The following LPP variants were observed in gnomAD, a reference collection of about 807,000 sequenced individuals.
The protein encoded by LPP is lipoma-preferred partner.
LPP carries 38 observed loss-of-function variants against 60.4 expected under a neutral mutation model. That is an observed-to-expected ratio of 0.63 (90% CI 0.49 to 0.83). The LOEUF (loss-of-function observed/expected upper bound fraction) is 0.83, where lower values mean the gene tolerates loss of function less well. LPP is among the 40% of genes least tolerant of loss of function. The pLI is 0.00. For synonymous variants in LPP, 328 were observed against 290.8 expected (o/e 1.13, Z -1.30); for missense variants, 902 against 783.6 (o/e 1.15, Z -1.80).
Position 188,770,168 on chromosome 3 carries a change from C to A in LPP, c.1410+9886C>A, listed in dbSNP as rs146147042. 9.3e-3 allele frequency among the ~76,000 whole-genome samples: 599 copies of A among 64,614 alleles called. 3 individuals are homozygous for A. Among genetic ancestry groups the A allele is most frequent in the Middle Eastern group, 0.028 (2 of 72 alleles). 42.4% of individuals were successfully genotyped at this position (64,614 alleles called of 152,430 possible). On this transcript the variant is annotated intron_variant, in intron 9 of 11. Transcript: ENST00000617246. ...CTCATTTTCTTTCATAGTTATAATTCTTTTTTTTTTTTTTTTTTTTTTTTT... is the reference window on the plus strand; with the variant it reads ...CTCATTTTCTTTCATAGTTATAATTATTTTTTTTTTTTTTTTTTTTTTTTT...
chr3:188,191,002 C>G (rs1190805201), intron 1 of LPP, among the ~76,000 whole-genome samples: 2 of 152,176 alleles, frequency 1.3e-5, no homozygotes, highest in African/African-American at 4.8e-5. Context: ...GGGGCCGAGG[C>G]AGGTGGATCA....
At chr3:188,713,151 G>C (rs942186840) in intron 8 of LPP, among the ~76,000 whole-genome samples, 1 of 152,150 alleles carries the variant, frequency 6.6e-6, no homozygotes, top group East Asian at 1.9e-4. Flanking sequence ...GGACAGACTG[G>C]CATGTGCCAA....
intron 2 of LPP, among the ~76,000 whole-genome samples, chr3:188,239,269 C>T (rs1368436114): frequency 1.3e-5 from 2 of 152,236 alleles, no homozygotes; most frequent in Non-Finnish European, 2.9e-5. Flanking sequence ...CAGGCACACA[C>T]TTACTTGTTT....
chr3:188,637,429 C>T (rs1849050071), intron 7 of LPP, among the ~76,000 whole-genome samples: 1 of 151,728 alleles, frequency 6.6e-6, no homozygotes, highest in Non-Finnish European at 1.5e-5. Context: ...CCAAAATTGA[C>T]ACCCTAACAT....
chr3:188,451,095 C>G (rs1488369121), intron 4 of LPP, among the ~76,000 whole-genome samples: 2 of 152,164 alleles, frequency 1.3e-5, no homozygotes, highest in East Asian at 3.9e-4. Context: ...ACTAGGGTTA[C>G]TTTCCCCCAG....
At chr3:188,283,179 A>G (rs1013311174) in intron 2 of LPP, among the ~76,000 whole-genome samples, 2 of 152,220 alleles carry the variant, frequency 1.3e-5, no homozygotes, top group Admixed American at 1.3e-4. Flanking sequence ...AAGTTAGGTC[A>G]GAATGTGCCA....
chr3:188,511,574 A>G (rs1815680157), intron 5 of LPP, among the ~76,000 whole-genome samples: 1 of 151,864 alleles, frequency 6.6e-6, no homozygotes, highest in South Asian at 2.1e-4. Context: ...TTTCTTCCTA[A>G]TGTCATGCAA....
In LPP at chr3:188,770,165, ATTCT is replaced by A. The variant is rs1405836661; in HGVS notation, c.1410+9886_1410+9889del. Among the ~76,000 whole-genome samples the A allele has an allele frequency of 1.1e-4, 13 of 123,018 alleles. No individual in the cohort carries two copies. The South Asian group carries it at 2.8e-3, about 26-fold the overall frequency. The allele number at this position is 123,018 out of a possible 152,430, so 80.7% of individuals were successfully genotyped here. On this transcript the variant is annotated intron_variant, in intron 9 of 11. Transcript: ENST00000617246. Reference sequence around the variant, plus strand: ...TTCCTCATTTTCTTTCATAGTTATAATTCTTTTTTTTTTTTTTTTTTTTTTTTTT... The same window carrying A: ...TTCCTCATTTTCTTTCATAGTTATAATTTTTTTTTTTTTTTTTTTTTTTTT...
At chr3:188,619,406 T>C (rs913537303) in intron 7 of LPP, among the ~76,000 whole-genome samples, 14 of 152,148 alleles carry the variant, frequency 9.2e-5, no homozygotes, top group African/African-American at 3.1e-4. Flanking sequence ...AGAAGACAAC[T>C]GAGGCTGGTG....
intron 4 of LPP, among the ~76,000 whole-genome samples, chr3:188,430,068 T>C (rs1015066268): frequency 6.6e-6 from 1 of 152,192 alleles, no homozygotes; most frequent in African/African-American, 2.4e-5. Flanking sequence ...AAAGCTTTTC[T>C]TGTGATTAGA....
intron 6 of LPP, among the ~76,000 whole-genome samples, chr3:188,597,621 A>C (rs977502259): frequency 2.0e-5 from 3 of 152,110 alleles, no homozygotes; most frequent in Non-Finnish European, 2.9e-5. Context: ...AATTAGATTG[A>C]ACTACAGAAC....
At chr3:188,347,027 T>G (rs1257643264) in intron 3 of LPP, among the ~76,000 whole-genome samples, 2 of 152,236 alleles carry the variant, frequency 1.3e-5, no homozygotes, top group Non-Finnish European at 2.9e-5. Context: ...GCTAGACATC[T>G]CAATACATTA....
chr3:188,721,490 G>A (rs1338870774), intron 8 of LPP, among the ~76,000 whole-genome samples: 3 of 152,058 alleles, frequency 2.0e-5, no homozygotes, highest in Admixed American at 6.6e-5. Flanking sequence ...GGAGGTCAAC[G>A]GTGCAGTGAG....
At chr3:188,373,290 C>T (rs1251288315) in intron 3 of LPP, among the ~76,000 whole-genome samples, 1 of 152,214 alleles carries the variant, frequency 6.6e-6, no homozygotes, top group African/African-American at 2.4e-5. Flanking sequence ...ACACTGACTT[C>T]CACAATGGTT....
intron 2 of LPP, among the ~76,000 whole-genome samples, chr3:188,265,328 G>A (rs1033175538): frequency 1.3e-5 from 2 of 152,308 alleles, no homozygotes; most frequent in African/African-American, 2.4e-5. Context: ...ACAGTGGCTG[G>A]CCTTGAAGAA....
intron 4 of LPP, among the ~76,000 whole-genome samples, chr3:188,440,950 T>A (rs1008577538): frequency 4.9e-3 from 5 of 1,020 alleles, no homozygotes; most frequent in African/African-American, 6.2e-3. Context: ...TCCCTTAATA[T>A]GTGTGTGTGT....
At chr3:188,438,457 C>A in intron 4 of LPP, among the ~76,000 whole-genome samples, 1 of 150,830 alleles carries the variant, frequency 6.6e-6, no homozygotes, top group South Asian at 2.1e-4. Context: ...TATCCATTTT[C>A]TGGATGAGGA....
chr3:188,258,479 C>T lies in LPP; in HGVS notation c.-67+32952C>T, dbSNP rs117598655. Among the ~76,000 whole-genome samples, 321 of 152,276 alleles carry T rather than the reference C, an allele frequency of 2.1e-3. 3 individuals are homozygous for T. In the East Asian group the frequency reaches 0.046, roughly 22 times the overall value. On this transcript the variant is annotated intron_variant, in intron 2 of 11. Coordinates refer to ENST00000617246, the MANE Select transcript of LPP (RefSeq NM_001375462.1). ...CTGGGAATACAGGGACACGCCACTA[C>T]GCCTGGCTAATTCGTATATTTTGTA... is the stretch of plus-strand genomic sequence containing the variant.
chr3:188,382,636 ACTTTT>A (rs1223850745), intron 3 of LPP, among the ~76,000 whole-genome samples: 3 of 152,122 alleles, frequency 2.0e-5, no homozygotes, highest in African/African-American at 7.2e-5. Flanking sequence ...GCCTTTGGAC[ACTTTT>A]CTTTTTAACC....
Sources: gnomAD v4.1 joint callset for allele counts (sites outside exome capture counted in the v4.1 genomes callset) on GRCh38, gnomAD v4.1.1 for gene constraint, MANE v1.5 for transcripts, NCBI Gene and HGNC (gene_info 2026-07-23, HGNC 2026-07-21) for gene names.